Variants in ZC3H14 observed in about 807,000 individuals in gnomAD.
The protein encoded by ZC3H14 is zinc finger CCCH domain-containing protein 14.
In ZC3H14, 31 loss-of-function variants were observed where a neutral mutation model predicts 92.4. That is an observed-to-expected ratio of 0.34 (90% CI 0.25 to 0.45). ZC3H14 has a LOEUF of 0.45. Among genes scored for constraint, ZC3H14 ranks in the 20% least tolerant of loss-of-function variants. The pLI is 1.00. For missense variants in ZC3H14, 781 were observed against 897.3 expected, an observed-to-expected ratio of 0.87 and a Z score of 1.66; for synonymous variants, 321 against 300.9, an observed-to-expected ratio of 1.07 and a Z score of -0.69.
chr14:88,594,499 G>A lies in ZC3H14; in HGVS notation c.1280-2235G>A, dbSNP rs564033632. On this transcript the variant is annotated intron_variant, in intron 9 of 16. Transcript: ENST00000251038. ...TAGCGAAGAGCAATTGGTCTGGTAC[G>A]TTTAGCTTTTTCACATTTAGTTTTG... 220 of 1,374,470 alleles carry A rather than the reference G, an allele frequency of 1.6e-4. 1 individual carries two copies. The African/African-American group carries it at 1.6e-3, about 10-fold the overall frequency. 85.1% of individuals were successfully genotyped at this position (1,374,470 alleles called of 1,614,324 possible). A position where few individuals can be genotyped will look rare whatever the true frequency, so the allele number is the denominator to read the frequency against.
Position 88,618,558 on chromosome 14 carries a change from C to T in ZC3H14, c.*6807C>T. On this transcript the variant is annotated 3_prime_UTR_variant, in exon 17 of 17. Transcript: ENST00000251038. ...AAAGGGAGGAGTTGAGAAGCTGGAG[C>T]TCTGGAGCTCAGGAACTTTAAATGC... is the stretch of plus-strand genomic sequence containing the variant. The T allele has an allele frequency of 5.6e-6, 8 of 1,419,520 alleles. No homozygotes were observed. The highest frequency in any genetic ancestry group is 5.7e-6 in the Non-Finnish European group (6 of 1,056,966). 87.9% of individuals were successfully genotyped at this position (1,419,520 alleles called of 1,614,324 possible).
rs1567024937 is a variant in ZC3H14 at position 88,624,869 on chromosome 14, G to C, written c.*13118G>C. 1 of 1,326,102 alleles carries C rather than the reference G, an allele frequency of 7.5e-7. No homozygotes were observed. The allele number at this position is 1,326,102 out of a possible 1,614,324, so 82.1% of individuals were successfully genotyped here. ...GAAGCATATGAGGAGGAAGGTCGGA[G>C]AGGACACTCTGTGTAGCCTAGAAAC... On this transcript the variant is annotated 3_prime_UTR_variant, in exon 17 of 17. Transcript: ENST00000251038.
intron 2 of ZC3H14, among the ~76,000 whole-genome samples, chr14:88,567,241 G>A (rs1032469654): frequency 3.3e-5 from 5 of 151,092 alleles, no homozygotes; most frequent in Middle Eastern, 3.2e-3. Flanking sequence ...TCGGCCTCCC[G>A]AGTAGCTGAG....
Position 88,572,772 on chromosome 14 carries a change from G to A in ZC3H14, c.626G>A (p.Arg209His), listed in dbSNP as rs760937494. Reference sequence around the variant, plus strand: ...GTGACACTTACATATGGTTCTTCTCGCCCTTCTATTGAAATTTATCGACCA... The same window carrying A: ...GTGACACTTACATATGGTTCTTCTCACCCTTCTATTGAAATTTATCGACCA... Reference protein sequence around the residue: ...PTVTLTYGSSRPSIEIYRPPA... With the variant: ...PTVTLTYGSSHPSIEIYRPPA... The change falls in exon 6 of 17, where the codon CGC becomes CAC. Residue 209 changes from arginine (R) to histidine (H), a missense_variant. Around this residue, in one of 3 missense-constraint regions of ZC3H14, gnomAD observed 454 missense variants for 438.5 expected, o/e 1.04. Coordinates refer to ENST00000251038, the MANE Select transcript of ZC3H14 (RefSeq NM_024824.5). The A allele has an allele frequency of 1.9e-5, 31 of 1,613,976 alleles. No homozygotes were observed. Among genetic ancestry groups the A allele is most frequent in the South Asian group, 3.3e-5 (3 of 91,088 alleles).
intron 12 of ZC3H14, among the ~76,000 whole-genome samples, chr14:88,605,108 T>A (rs1015224359): frequency 6.6e-6 from 1 of 152,240 alleles, no homozygotes; most frequent in Non-Finnish European, 1.5e-5. Context: ...CTAGCTACTT[T>A]GCTTTCCAGC....
chr14:88,563,807 C>T, intron 2 of ZC3H14, 114 bp downstream of exon 2: 1 of 1,039,392 alleles, frequency 9.6e-7, no homozygotes, highest in Admixed American at 1.8e-5. Context: ...CTCCCTTCTA[C>T]CTTCTTCAAA....
intron 6 of ZC3H14, chr14:88,574,203 C>G (rs935451230): frequency 3.2e-5 from 5 of 153,978 alleles, no homozygotes; most frequent in African/African-American, 9.7e-5. Flanking sequence ...TTTGTTTTAG[C>G]TAAAGGTTGA....
At position 88,611,752 on chromosome 14, in the gene ZC3H14, C is replaced by T. The variant is rs1178473029; in HGVS notation, c.*1C>T. The T allele has an allele frequency of 8.7e-6, 14 of 1,613,896 alleles. No homozygotes were observed. The highest frequency in any genetic ancestry group is 1.2e-5 in the Non-Finnish European group (14 of 1,179,952). ...TTGGTTCTGTTCATTCAGCGAATAG[C>T]ACCCAGTCCTGCCTGGCAGAAGATC... On this transcript the variant is annotated 3_prime_UTR_variant, in exon 17 of 17. Coordinates refer to ENST00000251038, the MANE Select transcript of ZC3H14 (RefSeq NM_024824.5).
rs534810882 is a variant in ZC3H14 at position 88,610,687 on chromosome 14, C to T, written c.2098-147C>T. On this transcript the variant is annotated intron_variant, in intron 15 of 16. Transcript: ENST00000251038. ...GGCTTGGTAGCACACGCCTGTAGTC[C>T]CAGCTACTCGGGAGACTGAGGCAAG... 4.4e-5 allele frequency: 33 copies of T among 750,196 alleles called. No individual in the cohort carries two copies. The African/African-American group carries it at 5.2e-4, about 12-fold the overall frequency. The allele number at this position is 750,196 out of a possible 1,614,324, so 46.5% of individuals were successfully genotyped here.
Position 88,617,769 on chromosome 14 carries a change from T to C in ZC3H14, c.*6018T>C, listed in dbSNP as rs1387356828. On this transcript the variant is annotated 3_prime_UTR_variant, in exon 17 of 17. Coordinates refer to ENST00000251038, the MANE Select transcript of ZC3H14 (RefSeq NM_024824.5). ...CATGAGCCACTATATGCCTGGCTGA[T>C]ACAGGAATTTGATGGCATTTTTCAT... is the stretch of plus-strand genomic sequence containing the variant. 1 of 153,838 alleles carries C rather than the reference T, an allele frequency of 6.5e-6. No homozygotes were observed. The highest frequency in any genetic ancestry group is 6.5e-5 in the Admixed American group (1 of 15,464). 9.5% of individuals were successfully genotyped at this position (153,838 alleles called of 1,614,324 possible). A position where few individuals can be genotyped will look rare whatever the true frequency, so the allele number is the denominator to read the frequency against.
rs1419195798 is a variant in ZC3H14 at position 88,624,959 on chromosome 14, A to G, written c.*13208A>G. 1.2e-6 allele frequency: 2 copies of G among 1,612,106 alleles called. No individual in the cohort carries two copies. Among genetic ancestry groups the G allele is most frequent in the Non-Finnish European group, 1.7e-6 (2 of 1,179,198 alleles). Reference sequence around the variant, plus strand: ...ATGCATAAATATTCTGTGAAAAGAAAGAGGACTCACGGCCTTTCCTTTCCC... The same window carrying G: ...ATGCATAAATATTCTGTGAAAAGAAGGAGGACTCACGGCCTTTCCTTTCCC... On this transcript the variant is annotated 3_prime_UTR_variant, in exon 17 of 17. Coordinates refer to ENST00000251038, the MANE Select transcript of ZC3H14 (RefSeq NM_024824.5).
At chr14:88,608,807 T>G (rs1401659834) in intron 13 of ZC3H14, 1 of 162,906 alleles carries the variant, frequency 6.1e-6, no homozygotes, top group Non-Finnish European at 1.3e-5. Flanking sequence ...TGGGGCTTCT[T>G]TTTTTTGCCG....
In ZC3H14 at chr14:88,616,176, G is replaced by A. The variant is rs2087581667; in HGVS notation, c.*4425G>A. On this transcript the variant is annotated 3_prime_UTR_variant, in exon 17 of 17. Coordinates refer to ENST00000251038, the MANE Select transcript of ZC3H14 (RefSeq NM_024824.5). ...TCACCTCCAGCACTAACAACATGTCGATCACCACTGGTAAATCGAATATTT... is the reference window on the plus strand; with the variant it reads ...TCACCTCCAGCACTAACAACATGTCAATCACCACTGGTAAATCGAATATTT... The A allele has an allele frequency of 1.2e-6, 2 of 1,613,702 alleles. No individual in the cohort carries two copies. Among genetic ancestry groups the A allele is most frequent in the Admixed American group, 1.7e-5 (1 of 59,992 alleles).
At chr14:88,568,312 G>C (rs1397201482) in intron 3 of ZC3H14, among the ~76,000 whole-genome samples, 159 bp downstream of exon 3, 2 of 152,200 alleles carry the variant, frequency 1.3e-5, no homozygotes, top group African/African-American at 4.8e-5. Context: ...CATTTTCACA[G>C]TGCTATGAAG....
Position 88,609,941 on chromosome 14 carries a change from G to A in ZC3H14, c.2097+138G>A, listed in dbSNP as rs181076045. On this transcript the variant is annotated intron_variant, in intron 15 of 16. Transcript: ENST00000251038. ...CAGTAAAACTATTAAGTTGTTCCTCGTCACTGAACCTCCATCTGGCCCCTT... is the reference window on the plus strand; with the variant it reads ...CAGTAAAACTATTAAGTTGTTCCTCATCACTGAACCTCCATCTGGCCCCTT... The A allele has an allele frequency of 4.2e-4, 395 of 932,854 alleles. No homozygotes were observed. The African/African-American group carries it at 4.8e-3, about 11-fold the overall frequency. The allele number at this position is 932,854 out of a possible 1,614,324, so 57.8% of individuals were successfully genotyped here.
chr14:88,563,300 GCTC>G (rs2079105535), intron 1 of ZC3H14, 131 bp downstream of exon 1: 2 of 1,528,174 alleles, frequency 1.3e-6, no homozygotes, highest in East Asian at 4.9e-5. Context: ...GCGGGCTGCG[GCTC>G]CTCCTCGTCC....
rs2088725885 is a variant in ZC3H14 at position 88,620,643 on chromosome 14, A to G, written c.*8892A>G. The G allele has an allele frequency of 1.2e-6, 1 of 822,686 alleles. No individual in the cohort carries two copies. Among genetic ancestry groups the G allele is most frequent in the South Asian group, 3.0e-5 (1 of 33,818 alleles). The allele number at this position is 822,686 out of a possible 1,614,324, so 51.0% of individuals were successfully genotyped here. The stretch of plus-strand genomic sequence containing the variant: ...TTTAGCATACAATTTATAATACGGG[A>G]AATGCTACAGGCCCTGGGGACCTCT... On this transcript the variant is annotated 3_prime_UTR_variant, in exon 17 of 17. Coordinates refer to ENST00000251038, the MANE Select transcript of ZC3H14 (RefSeq NM_024824.5). This position sits in a 1 kb window ranked among gnomAD's most constrained non-coding sequence, Gnocchi z 4.3.
At chr14:88,563,599 T>C in intron 1 of ZC3H14, 52 bp from the exon 2 acceptor site, 2 of 1,607,508 alleles carry the variant, frequency 1.2e-6, no homozygotes, top group Non-Finnish European at 8.5e-7. Flanking sequence ...AGTCCGGTCT[T>C]GTTTTCCTAG....
At chr14:88,598,592 A>G (rs1465645198) in intron 10 of ZC3H14, among the ~76,000 whole-genome samples, 2 of 152,174 alleles carry the variant, frequency 1.3e-5, no homozygotes, top group African/African-American at 4.8e-5. Context: ...GCAGTGGGTA[A>G]AGATTTATCA....
Sources: allele counts gnomAD v4.1 joint callset (sites outside exome capture counted in the v4.1 genomes callset), GRCh38; gene constraint gnomAD v4.1.1; regional missense constraint gnomAD v4.1.1; non-coding constraint Gnocchi (gnomAD v3.1); transcripts MANE v1.5; gene names NCBI Gene and HGNC (gene_info 2026-07-23, HGNC 2026-07-21).